The following NOP9 variants were observed in gnomAD, a reference collection of about 807,000 sequenced individuals.
NOP9 encodes the protein NOP9 nucleolar protein, also known as nucleolar protein 9.
Under a neutral mutation model 63.0 loss-of-function variants are expected in NOP9, and 50 were observed. The ratio of observed to expected loss-of-function variants is 0.79; its 90% CI spans 0.63 to 1.00. The LOEUF (loss-of-function observed/expected upper bound fraction) is 1.00, where lower values mean the gene tolerates loss of function less well. Among genes scored for constraint, NOP9 ranks in the 50% least tolerant of loss-of-function variants. The pLI is 0.00. For synonymous variants in NOP9, 343 were observed against 332.8 expected (o/e 1.03, Z -0.33); for missense variants, 758 against 803.0 (o/e 0.94, Z 0.68).
the NOP9 span, among the ~76,000 whole-genome samples, chr14:24,288,644 G>A: frequency 1.2e-4 from 19 of 152,062 alleles, no homozygotes; most frequent in Admixed American, 1.0e-3. Context: ...CACCGCGCCC[G>A]ACCAGGAATT....
chr14:24,271,923 A>C, the NOP9 span, among the ~76,000 whole-genome samples: 1 of 151,756 alleles, frequency 6.6e-6, no homozygotes, highest in Non-Finnish European at 1.5e-5. Context: ...CTAACCTCTG[A>C]AGCATTTGAC....
chr14:24,305,137 A>G lies in NOP9; in HGVS notation c.*42A>G. On this transcript the variant is annotated 3_prime_UTR_variant, in exon 10 of 10. Transcript: ENST00000267425. ...CTGGGTGTTGATGGGGGAGGGCAAA[A>G]TGGGGTATCCACCCCATCCCTTTCC... 1 of 1,411,204 alleles carries G rather than the reference A, an allele frequency of 7.1e-7. No individual in the cohort carries two copies. The highest frequency in any genetic ancestry group is 1.5e-5 in the African/African-American group (1 of 68,074). 87.4% of individuals were successfully genotyped at this position (1,411,204 alleles called of 1,614,324 possible).
chr14:24,299,821 C>G (rs1481686498), upstream of NOP9: 1 of 1,183,792 alleles, frequency 8.4e-7, no homozygotes, highest in Non-Finnish European at 1.1e-6. Context: ...CGGCGCGGAA[C>G]TATGACGTAG....
chr14:24,300,213 C>T lies in NOP9; in HGVS notation c.247+12C>T. The stretch of plus-strand genomic sequence containing the variant: ...TGGGGAAGAACGAGGTAGGCAGCAA[C>T]TTCGGGGTTTAGACCAAGAGCATCA... On this transcript the variant is annotated intron_variant, in intron 1 of 9. Coordinates refer to ENST00000267425, the MANE Select transcript of NOP9 (RefSeq NM_174913.3). The T allele has an allele frequency of 6.2e-7, 1 of 1,613,072 alleles. No homozygotes were observed. Among genetic ancestry groups the T allele is most frequent in the Non-Finnish European group, 8.5e-7 (1 of 1,179,216 alleles).
Position 24,307,798 on chromosome 14 carries a change from A to G in NOP9, c.*2703A>G, listed in dbSNP as rs189519586. On this transcript the variant is annotated 3_prime_UTR_variant, in exon 10 of 10. Coordinates refer to ENST00000267425, the MANE Select transcript of NOP9 (RefSeq NM_174913.3). ...TATATCCCCTAAAGGTGGAGGGTAGAGCGGAGGGTTAGCAGTCACCTGAGT... is the reference window on the plus strand; with the variant it reads ...TATATCCCCTAAAGGTGGAGGGTAGGGCGGAGGGTTAGCAGTCACCTGAGT... 245 of 1,587,634 alleles carry G rather than the reference A, an allele frequency of 1.5e-4. 1 individual carries two copies. In the African/African-American group the frequency reaches 3.2e-3, roughly 20 times the overall value.
At chr14:24,298,988 TGGC>T (rs1301869886), upstream of NOP9, 1 of 1,613,074 alleles carries the variant, frequency 6.2e-7, no homozygotes, top group Non-Finnish European at 8.5e-7. Context: ...GGTGTCCAGA[TGGC>T]GGCCAGTGAT....
chr14:24,298,760 T>C (rs1827773213), upstream of NOP9: 18 of 699,172 alleles, frequency 2.6e-5, no homozygotes, highest in South Asian at 3.5e-4. Context: ...ACAAAGTTTT[T>C]TCATAAAACT....
At chr14:24,296,842 C>T (rs769982307), upstream of NOP9, 80 of 1,614,102 alleles carry the variant, frequency 5.0e-5, no homozygotes, top group Middle Eastern at 1.6e-4. Flanking sequence ...TGGCTTGAAT[C>T]GCACACCACA....
At position 24,302,073 on chromosome 14, in the gene NOP9, A is replaced by T. The variant is rs201860045; in HGVS notation, c.917A>T (p.Tyr306Phe). Residue 306 changes from tyrosine to phenylalanine, a missense_variant, in exon 4 of 10, where the codon TAC (tyrosine) becomes TTC (phenylalanine). Transcript: ENST00000267425. ...CAHLCNAVIG[Y>F]LSTRGSSVDG... is the part of the protein sequence containing the mutation. ...CATCTCTGCAATGCTGTGATTGGCT[A>T]CCTGAGTACTCGCGGTTCCTCAGTA... The T allele has an allele frequency of 1.2e-6, 2 of 1,614,066 alleles. No individual in the cohort carries two copies. Among genetic ancestry groups the T allele is most frequent in the Non-Finnish European group, 1.7e-6 (2 of 1,179,982 alleles).
chr14:24,277,897 A>G, the NOP9 span, among the ~76,000 whole-genome samples: 1 of 152,306 alleles, frequency 6.6e-6, no homozygotes, highest in South Asian at 2.1e-4. Context: ...TGGGACCCAG[A>G]TGAAATCAAA....
rs1489046586 is a variant in NOP9, at chr14:24,308,984, T to A, written c.*3889T>A. On this transcript the variant is annotated 3_prime_UTR_variant, in exon 10 of 10. Coordinates refer to ENST00000267425, the MANE Select transcript of NOP9 (RefSeq NM_174913.3). Reference sequence around the variant, plus strand: ...TGGCCCTGGCCCTGAACCAAATACCTTGAACCCTCGTAAACTCCATACCCT... The same window carrying A: ...TGGCCCTGGCCCTGAACCAAATACCATGAACCCTCGTAAACTCCATACCCT... 6.6e-6 allele frequency: 1 copy of A among 152,272 alleles called. No individual in the cohort carries two copies. Among genetic ancestry groups the A allele is most frequent in the African/African-American group, 2.4e-5 (1 of 41,454 alleles). The allele number at this position is 152,272 out of a possible 1,614,324, so 9.4% of individuals were successfully genotyped here. A position where few individuals can be genotyped will look rare whatever the true frequency, so the allele number is the denominator to read the frequency against.
intron 6 of NOP9, 128 bp from the exon 7 acceptor site, chr14:24,303,604 A>T (rs2041417928): frequency 1.1e-6 from 1 of 925,126 alleles, no homozygotes; most frequent in East Asian, 2.4e-5. Flanking sequence ...AAGGCATGAC[A>T]TCTGCTTTCA....
the NOP9 span, among the ~76,000 whole-genome samples, chr14:24,272,077 T>C: frequency 6.6e-6 from 1 of 152,176 alleles, no homozygotes; most frequent in Non-Finnish European, 1.5e-5. Context: ...CTTCACCCAC[T>C]GTTCCTGGGA....
chr14:24,288,680 T>C, the NOP9 span, among the ~76,000 whole-genome samples: 1 of 152,128 alleles, frequency 6.6e-6, no homozygotes, highest in Non-Finnish European at 1.5e-5. Context: ...TATGTATTGC[T>C]TGATGCTGTA....
At position 24,300,794 on chromosome 14, in the gene NOP9, C is replaced by A; in HGVS notation, c.634C>A (p.Gln212Lys). 6.2e-7 allele frequency: 1 copy of A among 1,614,232 alleles called. No individual in the cohort carries two copies. The highest frequency in any genetic ancestry group is 8.5e-7 in the Non-Finnish European group (1 of 1,180,046). ...CAGCTTCGTGGTCAGAACTCTGCTTCAGGTGTTAGGAGGGACTATTCTGGA... is the reference window on the plus strand; with the variant it reads ...CAGCTTCGTGGTCAGAACTCTGCTTAAGGTGTTAGGAGGGACTATTCTGGA... ...HGSFVVRTLL[Q>K]VLGGTILESE... Residue 212 changes from glutamine (Q) to lysine (K), a missense_variant, in exon 2 of 10, where the codon CAG becomes AAG. By Grantham distance (53) the Gln-to-Lys change is moderately conservative. Coordinates refer to ENST00000267425, the MANE Select transcript of NOP9 (RefSeq NM_174913.3).
At chr14:24,292,419 C>G in the NOP9 span, 2 of 1,562,512 alleles carry the variant, frequency 1.3e-6, 1 homozygote, top group South Asian at 2.3e-5. Context: ...AATGCTCCAC[C>G]CACCCTGTCC....
chr14:24,288,228 C>T, the NOP9 span, among the ~76,000 whole-genome samples: 1 of 152,216 alleles, frequency 6.6e-6, no homozygotes, highest in Non-Finnish European at 1.5e-5. Flanking sequence ...TCTCCCATGG[C>T]TGAAATGAAA....
the NOP9 span, among the ~76,000 whole-genome samples, chr14:24,275,994 A>C: frequency 6.6e-6 from 1 of 152,228 alleles, no homozygotes; most frequent in African/African-American, 2.4e-5. Flanking sequence ...CAGTAGCCCC[A>C]TGTGACTGCT....
At chr14:24,294,975 T>A (rs1173464112), upstream of NOP9, among the ~76,000 whole-genome samples, 1 of 152,230 alleles carries the variant, frequency 6.6e-6, no homozygotes, top group Non-Finnish European at 1.5e-5. Flanking sequence ...GGTCTTTTTG[T>A]AGGAGAGCTT....
Sources: gnomAD v4.1 joint callset for allele counts (sites outside exome capture counted in the v4.1 genomes callset) on GRCh38, gnomAD v4.1.1 for gene constraint, MANE v1.5 for transcripts, NCBI Gene and HGNC (gene_info 2026-07-23, HGNC 2026-07-21) for gene names.